The following MACROD2 variants were observed in gnomAD, a reference collection of about 807,000 sequenced individuals.
MACROD2 encodes the protein ADP-ribose glycohydrolase MACROD2.
Under a neutral mutation model 70.4 loss-of-function variants are expected in MACROD2, and 36 were observed. The ratio of observed to expected loss-of-function variants is 0.51; its 90% CI spans 0.39 to 0.68. The LOEUF is 0.68. Ranked by LOEUF, MACROD2 falls within the 30% of genes least tolerant of loss-of-function variation. MACROD2 has a pLI of 0.00. For synonymous variants in MACROD2, 172 were observed against 178.8 expected (o/e 0.96, Z 0.30); for missense variants, 496 against 538.4 (o/e 0.92, Z 0.78).
intron 6 of MACROD2, among the ~76,000 whole-genome samples, chr20:15,282,922 A>G (rs891172155): frequency 2.0e-5 from 3 of 152,218 alleles, no homozygotes; most frequent in African/African-American, 7.2e-5. Context: ...AAGAGGTTTA[A>G]TTGACTCACA....
At chr20:15,247,007 AT>A (rs2077111856) in intron 6 of MACROD2, among the ~76,000 whole-genome samples, 1 of 152,170 alleles carries the variant, frequency 6.6e-6, no homozygotes. Context: ...CAGAGAGTAG[AT>A]TAACGGTTGT....
chr20:14,412,664 T>C (rs1252607735), intron 3 of MACROD2, among the ~76,000 whole-genome samples: 1 of 152,190 alleles, frequency 6.6e-6, no homozygotes, highest in East Asian at 1.9e-4. Flanking sequence ...CTCTGTAAAA[T>C]GGGGATGATA....
intron 3 of MACROD2, among the ~76,000 whole-genome samples, chr20:14,386,694 T>C (rs2083471547): frequency 1.3e-5 from 2 of 152,308 alleles, no homozygotes; most frequent in African/African-American, 4.8e-5. Flanking sequence ...TAAGGTCTCA[T>C]CAGGAGCCAA....
chr20:14,473,279 T>G (rs2084551285), intron 3 of MACROD2, among the ~76,000 whole-genome samples: 1 of 152,202 alleles, frequency 6.6e-6, no homozygotes, highest in Non-Finnish European at 1.5e-5. Flanking sequence ...TTATACTGGC[T>G]GACCACCCTC....
intron 5 of MACROD2, among the ~76,000 whole-genome samples, chr20:15,005,873 A>G (rs778695689): frequency 4.5e-4 from 68 of 152,124 alleles, no homozygotes; most frequent in Admixed American, 9.2e-4. Context: ...CATACTAACT[A>G]TCCTTGAATA....
In MACROD2 at chr20:14,326,918, C is replaced by T. The variant is rs774666937; in HGVS notation, c.272-166561C>T. 3 of 1,613,600 alleles carry T rather than the reference C, an allele frequency of 1.9e-6. No homozygotes were observed. Among genetic ancestry groups the T allele is most frequent in the Non-Finnish European group, 2.5e-6 (3 of 1,179,806 alleles). On this transcript the variant is annotated intron_variant, in intron 3 of 17. Transcript: ENST00000684519. The surrounding 1 kb of genome is among the most constrained non-coding windows in gnomAD (Gnocchi z 5.5). Reference sequence around the variant, plus strand: ...ACCAGGCGTTTTAGACTAGTGAGACCTTGAAGAGATGGTGATGAAATAGTG... The same window carrying T: ...ACCAGGCGTTTTAGACTAGTGAGACTTTGAAGAGATGGTGATGAAATAGTG...
chr20:15,044,957 G>C (rs1344241138), intron 5 of MACROD2, among the ~76,000 whole-genome samples: 2 of 152,106 alleles, frequency 1.3e-5, no homozygotes, highest in African/African-American at 4.8e-5. Context: ...TTAAAATGCA[G>C]CATCTGAACC....
At chr20:15,944,710 A>G (rs959416697) in intron 12 of MACROD2, among the ~76,000 whole-genome samples, 4 of 152,162 alleles carry the variant, frequency 2.6e-5, no homozygotes, top group Non-Finnish European at 5.9e-5. Context: ...GTTTTCTACA[A>G]TGAATAGTTT....
intron 3 of MACROD2, among the ~76,000 whole-genome samples, chr20:14,465,646 T>C (rs1568624832): frequency 6.6e-6 from 1 of 152,172 alleles, no homozygotes; most frequent in Non-Finnish European, 1.5e-5. Flanking sequence ...CTTTACAATT[T>C]GGCATGTTTT....
chr20:15,190,620 G>GAA (rs2076564154), intron 5 of MACROD2, among the ~76,000 whole-genome samples: 1 of 152,166 alleles, frequency 6.6e-6, no homozygotes, highest in South Asian at 2.1e-4. Context: ...AACCAGCATT[G>GAA]AAAAGATAGT....
chr20:15,048,976 G>T (rs1174015545), intron 5 of MACROD2, among the ~76,000 whole-genome samples: 5 of 151,326 alleles, frequency 3.3e-5, no homozygotes, highest in African/African-American at 1.2e-4. Flanking sequence ...CTGGATAAAT[G>T]AACAGTGCAT....
Position 15,026,009 on chromosome 20 carries a change from T to G in MACROD2, c.419-203931T>G, listed in dbSNP as rs2075228442. Among the ~76,000 whole-genome samples, 3 of 152,320 alleles carry G rather than the reference T, an allele frequency of 2.0e-5. No individual in the cohort carries two copies. The South Asian group carries it at 6.2e-4, about 32-fold the overall frequency. On this transcript the variant is annotated intron_variant, in intron 5 of 17. Transcript: ENST00000684519. ...TCTATGTTCCTCTGTTATAAGGAAT[T>G]AAGCCTTACAAGAAGAGTATGCAAC...
At chr20:15,710,402 A>G (rs1470677320) in intron 8 of MACROD2, among the ~76,000 whole-genome samples, 2 of 152,190 alleles carry the variant, frequency 1.3e-5, no homozygotes, top group East Asian at 1.9e-4. Context: ...TCCCAAAGCC[A>G]TATATAAAGT....
chr20:14,182,896 T>G (rs946992702), intron 3 of MACROD2, among the ~76,000 whole-genome samples: 13 of 151,812 alleles, frequency 8.6e-5, no homozygotes, highest in African/African-American at 2.7e-4. Flanking sequence ...CAGAGTGTTC[T>G]TCTCTAACTT....
At chr20:14,444,149 A>C (rs2084157543) in intron 3 of MACROD2, among the ~76,000 whole-genome samples, 1 of 152,148 alleles carries the variant, frequency 6.6e-6, no homozygotes, top group South Asian at 2.1e-4. Flanking sequence ...GGATACAGTA[A>C]ATTAGAAGCA....
At chr20:16,014,015 A>G (rs2066898566) in intron 15 of MACROD2, among the ~76,000 whole-genome samples, 1 of 152,238 alleles carries the variant, frequency 6.6e-6, no homozygotes, top group Non-Finnish European at 1.5e-5. Flanking sequence ...CTTCTGTAGG[A>G]TCGGCAAAAT....
chr20:14,206,588 GAT>G (rs1474323035), intron 3 of MACROD2, among the ~76,000 whole-genome samples: 1 of 149,760 alleles, frequency 6.7e-6, no homozygotes, highest in Non-Finnish European at 1.5e-5. Context: ...CATGTTGTTT[GAT>G]ATGTTTGTTA....
intron 3 of MACROD2, among the ~76,000 whole-genome samples, chr20:14,338,064 A>G (rs1275011345): frequency 2.6e-5 from 4 of 152,192 alleles, no homozygotes; most frequent in African/African-American, 7.2e-5. Flanking sequence ...AGTAATCCCA[A>G]CTGTGAATGT....
intron 8 of MACROD2, among the ~76,000 whole-genome samples, chr20:15,774,494 A>G (rs2147025256): frequency 6.6e-6 from 1 of 152,226 alleles, no homozygotes; most frequent in South Asian, 2.1e-4. Flanking sequence ...CACTTTCTAG[A>G]GATTCTGATG....
Sources: allele counts gnomAD v4.1 joint callset (sites outside exome capture counted in the v4.1 genomes callset), GRCh38; gene constraint gnomAD v4.1.1; non-coding constraint Gnocchi (gnomAD v3.1); transcripts MANE v1.5; gene names NCBI Gene and HGNC (gene_info 2026-07-23, HGNC 2026-07-21).